Variants in ALDH1L2 observed in about 807,000 individuals in gnomAD.
ALDH1L2 encodes the protein aldehyde dehydrogenase 1 family member L2, also known as mitochondrial 10-formyltetrahydrofolate dehydrogenase.
Under a neutral mutation model 111.0 loss-of-function variants are expected in ALDH1L2, and 91 were observed. That is an observed-to-expected ratio of 0.82 (90% CI 0.69 to 0.98). ALDH1L2 has a LOEUF of 0.98. Ranked by LOEUF, ALDH1L2 falls within the 50% of genes least tolerant of loss-of-function variation. ALDH1L2 has a pLI of 0.00. For synonymous variants in ALDH1L2, 374 were observed against 392.6 expected (o/e 0.95, Z 0.56); for missense variants, 995 against 1,126.8 (o/e 0.88, Z 1.67).
rs780497026 is a variant in ALDH1L2 at position 105,073,958 on chromosome 12, G to A, written c.96C>T (p.Leu32=). 1.8e-5 allele frequency: 29 copies of A among 1,614,064 alleles called. No homozygotes were observed. The Admixed American group carries it at 4.7e-4, about 26-fold the overall frequency. The part of the protein sequence containing the change: ...KLKLALIGQS[L]FGQEVYSHLR... ...GGTGGCTATAGACTTCTTGTCCAAA[G>A]AGGCTCTGGCCAATTAGTGCCAACT... Residue 32 remains leucine, a synonymous_variant, in exon 2 of 23, where the codon CTC becomes CTT. Transcript: ENST00000258494.
At chr12:105,041,315 A>G (rs1047879889) in intron 15 of ALDH1L2, among the ~76,000 whole-genome samples, 3 of 152,172 alleles carry the variant, frequency 2.0e-5, no homozygotes, top group African/African-American at 7.2e-5. Context: ...ATTTCATACA[A>G]TGTCTCTTTG....
intron 2 of ALDH1L2, 102 bp from the exon 3 acceptor site, chr12:105,070,906 A>C: frequency 1.0e-6 from 1 of 1,000,076 alleles, no homozygotes; most frequent in South Asian, 1.7e-5. Context: ...AATATTTACA[A>C]ATAAAACATG....
chr12:105,059,935 G>A (rs1005477743), intron 9 of ALDH1L2, among the ~76,000 whole-genome samples: 2 of 152,168 alleles, frequency 1.3e-5, no homozygotes, highest in African/African-American at 4.8e-5. Context: ...CACAGTCCCT[G>A]GTGAGCTCCA....
Position 105,026,578 on chromosome 12 carries a change from C to T in ALDH1L2, c.2683G>A (p.Gly895Arg), listed in dbSNP as rs906339577. Residue 895 changes from glycine to arginine, a missense_variant, in exon 22 of 23, where the codon GGA (glycine) becomes AGA (arginine). By Grantham distance (125) the Gly-to-Arg change is moderately radical. Transcript: ENST00000258494. ...TTTCCAAAGCCAGATTGTTTAACTC[C>T]GCCAAATGGGGCCGCCACATCTGTC... ...NKTDVAAPFG[G>R]VKQSGFGKDL... 15 of 1,613,908 alleles carry T rather than the reference C, an allele frequency of 9.3e-6. No homozygotes were observed. The highest frequency in any genetic ancestry group is 4.0e-5 in the African/African-American group (3 of 74,860).
chr12:105,050,323 G>A (rs1426296492), intron 12 of ALDH1L2: 4 of 245,056 alleles, frequency 1.6e-5, no homozygotes, highest in Non-Finnish European at 3.1e-5. Flanking sequence ...GTAGAACAAT[G>A]ACTGAGCCAG....
At chr12:105,039,595 G>A (rs1365144498) in intron 17 of ALDH1L2, 118 bp downstream of exon 17, 2 of 746,844 alleles carry the variant, frequency 2.7e-6, no homozygotes, top group African/African-American at 1.7e-5. Flanking sequence ...GCAGTGATAA[G>A]TAGATTTCCC....
chr12:105,044,384 AG>A (rs1300889448), intron 15 of ALDH1L2, among the ~76,000 whole-genome samples: 5 of 128,998 alleles, frequency 3.9e-5, no homozygotes, highest in African/African-American at 1.4e-4. Flanking sequence ...TCTCCAACTC[AG>A]ACCAATTAAA....
chr12:105,030,789 T>C (rs1466042809), intron 20 of ALDH1L2, among the ~76,000 whole-genome samples: 1 of 152,246 alleles, frequency 6.6e-6, no homozygotes. Flanking sequence ...GGATATTTTC[T>C]TATATAACCA....
intron 2 of ALDH1L2, among the ~76,000 whole-genome samples, chr12:105,071,643 T>TATATATATATA (rs55911058): frequency 1.8e-3 from 25 of 13,850 alleles, no homozygotes; most frequent in East Asian, 4.7e-3. Context: ...TATATATATA[T>TATATATATATA]TTTTTTTTTT....
chr12:105,052,174 T>G lies in ALDH1L2; in HGVS notation c.1451A>C (p.Lys484Thr), dbSNP rs200701283. 17 of 1,611,330 alleles carry G rather than the reference T, an allele frequency of 1.1e-5. No homozygotes were observed. The highest frequency in any genetic ancestry group is 1.4e-5 in the Non-Finnish European group (17 of 1,178,624). ...VSYASLADVDKAVAAAKDAFE... is the reference protein window; with the variant it reads ...VSYASLADVDTAVAAAKDAFE... ...AGCATCTTTTGCTGCTGCTACTGCT[T>G]TATCAACATCCGCCAAAGAAGCGTA... is the stretch of plus-strand genomic sequence containing the variant. Residue 484 changes from lysine to threonine, a missense_variant, in exon 12 of 23, where the codon AAA (lysine) becomes ACA (threonine). Transcript: ENST00000258494.
intron 18 of ALDH1L2, among the ~76,000 whole-genome samples, chr12:105,034,762 G>A (rs983507890): frequency 1.3e-5 from 2 of 152,150 alleles, no homozygotes; most frequent in Non-Finnish European, 2.9e-5. Context: ...GAGGCGGGCA[G>A]ATCACAAGGT....
intron 1 of ALDH1L2, among the ~76,000 whole-genome samples, chr12:105,079,180 A>G (rs1274947136): frequency 6.6e-6 from 1 of 152,202 alleles, no homozygotes; most frequent in Non-Finnish European, 1.5e-5. Context: ...TGACCTAGCA[A>G]TCCACCTGTA....
intron 21 of ALDH1L2, among the ~76,000 whole-genome samples, chr12:105,029,844 T>G (rs1874608446): frequency 6.6e-6 from 1 of 152,204 alleles, no homozygotes; most frequent in African/African-American, 2.4e-5. Context: ...CAAAGTTTCA[T>G]GTAGTATCAC....
intron 21 of ALDH1L2, among the ~76,000 whole-genome samples, chr12:105,028,151 C>T (rs1169697735): frequency 1.3e-5 from 2 of 152,180 alleles, no homozygotes; most frequent in Non-Finnish European, 2.9e-5. Context: ...CACTCTGTCG[C>T]CCAGGCTGGA....
intron 20 of ALDH1L2, among the ~76,000 whole-genome samples, chr12:105,030,760 A>G (rs1874652732): frequency 6.6e-6 from 1 of 152,234 alleles, no homozygotes; most frequent in South Asian, 2.1e-4. Flanking sequence ...GTATTTCAGT[A>G]CACATCTGTA....
intron 21 of ALDH1L2, 171 bp downstream of exon 21, chr12:105,030,153 A>G (rs528555972): frequency 9.3e-6 from 4 of 430,974 alleles, no homozygotes; most frequent in Admixed American, 4.4e-5. Context: ...AAAATATACT[A>G]TGATCTACGA....
chr12:105,046,193 C>CTCTCTCTCTT (rs1256472590), intron 15 of ALDH1L2, among the ~76,000 whole-genome samples: 1 of 20,190 alleles, frequency 5.0e-5, no homozygotes, highest in Non-Finnish European at 8.3e-5. Flanking sequence ...CTCTCTCTCT[C>CTCTCTCTCTT]TATATATATA....
rs1876752857 is a variant in ALDH1L2, at chr12:105,058,109, T to C, written c.1251A>G (p.Arg417=). 6.2e-7 allele frequency: 1 copy of C among 1,613,454 alleles called. No homozygotes were observed. The highest frequency in any genetic ancestry group is 8.5e-7 in the Non-Finnish European group (1 of 1,179,780). The change falls in exon 10 of 23, where the codon AGA becomes AGG. Residue 417 remains arginine, a synonymous_variant. Coordinates refer to ENST00000258494, the MANE Select transcript of ALDH1L2 (RefSeq NM_001034173.4). ...GFIQKVVRKL[R]GEDQEVELVV... Reference sequence around the variant, plus strand: ...CCAGCTCCACCTCTTGATCTTCTCCTCTCAGTTTCCTCACGACCTTTTGGA... The same window carrying C: ...CCAGCTCCACCTCTTGATCTTCTCCCCTCAGTTTCCTCACGACCTTTTGGA...
At chr12:105,052,327 T>G in intron 11 of ALDH1L2, 110 bp from the exon 12 acceptor site, 1 of 1,175,228 alleles carries the variant, frequency 8.5e-7, no homozygotes, top group Non-Finnish European at 1.1e-6. Context: ...TTAAAAAAAG[T>G]TATGATAAGA....
Sources: gnomAD v4.1 joint callset for allele counts (sites outside exome capture counted in the v4.1 genomes callset) on GRCh38, gnomAD v4.1.1 for gene constraint, MANE v1.5 for transcripts, NCBI Gene and HGNC (gene_info 2026-07-23, HGNC 2026-07-21) for gene names.